GALNT14: variants seen among roughly 807,000 people sequenced by gnomAD.
GALNT14 encodes UDP-GalNAc:polypeptide N-acetylgalactosaminyltransferase 14.
GALNT14 carries 60 observed loss-of-function variants against 77.5 expected under a neutral mutation model. The observed-to-expected ratio is 0.77, with a 90% CI of 0.63 to 0.96. GALNT14 has a LOEUF of 0.96. Ranked by LOEUF, GALNT14 falls within the 40% of genes least tolerant of loss-of-function variation. The pLI is 0.00. For synonymous variants in GALNT14, 280 were observed against 281.7 expected (o/e 0.99, Z 0.06); for missense variants, 710 against 731.0 (o/e 0.97, Z 0.33).
At chr2:31,119,121 T>G (rs905235150) in intron 1 of GALNT14, among the ~76,000 whole-genome samples, 1 of 152,112 alleles carries the variant, frequency 6.6e-6, no homozygotes, top group African/African-American at 2.4e-5. Flanking sequence ...CATATAAAAG[T>G]GGAAATTTGG....
At chr2:31,067,961 G>A (rs1403241973) in intron 1 of GALNT14, among the ~76,000 whole-genome samples, 1 of 152,104 alleles carries the variant, frequency 6.6e-6, no homozygotes, top group Non-Finnish European at 1.5e-5. Flanking sequence ...TCTGGAACCT[G>A]CTCTTCCTTC....
intron 1 of GALNT14, among the ~76,000 whole-genome samples, chr2:31,024,390 C>T (rs943177071): frequency 4.6e-5 from 7 of 152,112 alleles, no homozygotes; most frequent in Non-Finnish European, 8.8e-5. Flanking sequence ...AAGGCCCCAC[C>T]AAGGCCCCAC....
intron 1 of GALNT14, among the ~76,000 whole-genome samples, chr2:31,110,859 A>G (rs17038411): frequency 0.054 from 8,215 of 152,262 alleles, 503 homozygotes; most frequent in African/African-American, 0.15. Context: ...CATTCTTAAA[A>G]GTCAGATTTT....
intron 2 of GALNT14, among the ~76,000 whole-genome samples, chr2:30,967,256 CTG>C (rs1668068178): frequency 6.6e-6 from 1 of 152,124 alleles, no homozygotes; most frequent in Admixed American, 6.5e-5. Context: ...TGTTTGCAAA[CTG>C]TGTGTATAAA....
chr2:30,929,526 G>T, intron 10 of GALNT14, 39 bp from the exon 11 acceptor site: 2 of 1,500,600 alleles, frequency 1.3e-6, no homozygotes, highest in Non-Finnish European at 1.9e-6. Context: ...TCAGTAAGGG[G>T]CTGTCTGAGA....
At position 30,910,856 on chromosome 2, in the gene GALNT14, A is replaced by G. The variant is rs1199082978; in HGVS notation, c.*45T>C. The G allele has an allele frequency of 1.2e-6, 2 of 1,600,902 alleles. No homozygotes were observed. The highest frequency in any genetic ancestry group is 4.5e-5 in the East Asian group (2 of 44,782). On this transcript the variant is annotated 3_prime_UTR_variant, in exon 15 of 15. Transcript: ENST00000349752. ...CCCAGTTTCCAGTCTGTTCTGGTCC[A>G]GGGAAGCACCACCCCATGGCCCTTG...
Position 30,956,884 on chromosome 2 carries a change from G to C in GALNT14, c.467-907C>G, listed in dbSNP as rs142691090. On this transcript the variant is annotated intron_variant, in intron 4 of 14. Coordinates refer to ENST00000349752, the MANE Select transcript of GALNT14 (RefSeq NM_024572.4). The stretch of plus-strand genomic sequence containing the variant: ...CTGGTAAAAACTGCTGGAAGGCCAA[G>C]AATAAATGAGATTTTAGACTTTCCT... Among the ~76,000 whole-genome samples the C allele has an allele frequency of 3.4e-3, 518 of 152,334 alleles. 5 individuals are homozygous for C. The highest frequency in any genetic ancestry group is 0.012 in the African/African-American group (505 of 41,570).
Position 30,911,015 on chromosome 2 carries a change from G to A in GALNT14, c.1545C>T (p.His515=), listed in dbSNP as rs771872193. Residue 515 remains histidine, a synonymous_variant, in exon 15 of 15, where the codon CAC becomes CAT. Transcript: ENST00000349752. ...CGAACATATCTGTATCGAGGCAGAG[G>A]TGGGATGCTATGTGCTCGATGTGGG... ...TGSHIEHIAS[H]LCLDTDMFGD... 3 of 1,614,082 alleles carry A rather than the reference G, an allele frequency of 1.9e-6. No homozygotes were observed. The highest frequency in any genetic ancestry group is 2.5e-6 in the Non-Finnish European group (3 of 1,180,026).
chr2:30,998,945 C>T (rs1163784568), intron 1 of GALNT14, among the ~76,000 whole-genome samples: 1 of 152,216 alleles, frequency 6.6e-6, no homozygotes, highest in Non-Finnish European at 1.5e-5. Context: ...TGTCTGCACT[C>T]CCTTCACCAT....
chr2:30,970,832 C>T (rs543987560), intron 2 of GALNT14, among the ~76,000 whole-genome samples: 2 of 152,266 alleles, frequency 1.3e-5, no homozygotes, highest in Admixed American at 6.5e-5. Flanking sequence ...TGCCCCTGCT[C>T]ACAGCTCAGG....
chr2:30,927,334 T>C (rs1213641943), intron 11 of GALNT14, among the ~76,000 whole-genome samples: 1 of 152,190 alleles, frequency 6.6e-6, no homozygotes, highest in Non-Finnish European at 1.5e-5. Flanking sequence ...CCTCAAATTG[T>C]GGCACTCAAG....
chr2:31,042,048 C>T (rs1673123930), intron 1 of GALNT14, among the ~76,000 whole-genome samples: 1 of 152,126 alleles, frequency 6.6e-6, no homozygotes, highest in African/African-American at 2.4e-5. Context: ...TGATGAGATG[C>T]TTAGCAGGTA....
intron 1 of GALNT14, among the ~76,000 whole-genome samples, chr2:31,070,598 A>G (rs1300003277): frequency 3.9e-5 from 6 of 152,260 alleles, no homozygotes; most frequent in Non-Finnish European, 1.5e-5. Flanking sequence ...GCTGACAGCC[A>G]GGAGCCAGCA....
At chr2:31,044,637 T>C (rs571511843) in intron 1 of GALNT14, among the ~76,000 whole-genome samples, 1 of 149,314 alleles carries the variant, frequency 6.7e-6, no homozygotes, top group East Asian at 2.0e-4. Flanking sequence ...GCAGCTATAC[T>C]ACGGGTGAGG....
intron 2 of GALNT14, among the ~76,000 whole-genome samples, chr2:30,983,808 CGTAT>C (rs1669132837): frequency 3.7e-5 from 1 of 26,950 alleles, no homozygotes; most frequent in Non-Finnish European, 7.6e-5. Context: ...CACACACACA[CGTAT>C]GCACACACAC....
At chr2:31,129,161 GT>G in intron 1 of GALNT14, 1 of 155,432 alleles carries the variant, frequency 6.4e-6, no homozygotes, top group Admixed American at 6.5e-5. Context: ...ATGCGTGACA[GT>G]CAAAAGAGCG....
At chr2:31,004,622 C>G (rs1670558490) in intron 1 of GALNT14, among the ~76,000 whole-genome samples, 1 of 152,132 alleles carries the variant, frequency 6.6e-6, no homozygotes, top group Admixed American at 6.5e-5. Flanking sequence ...CCAAATCCTC[C>G]CAGGGTGGCC....
chr2:30,910,863 C>T lies in GALNT14; in HGVS notation c.*38G>A. The T allele has an allele frequency of 1.2e-6, 2 of 1,605,264 alleles. No individual in the cohort carries two copies. Among genetic ancestry groups the T allele is most frequent in the African/African-American group, 1.3e-5 (1 of 74,766 alleles). On this transcript the variant is annotated 3_prime_UTR_variant, in exon 15 of 15. Coordinates refer to ENST00000349752, the MANE Select transcript of GALNT14 (RefSeq NM_024572.4). ...TCCAGTCTGTTCTGGTCCAGGGAAG[C>T]ACCACCCCATGGCCCTTGCTGCTTC...
intron 1 of GALNT14, among the ~76,000 whole-genome samples, chr2:31,086,077 G>A (rs887095252): frequency 1.3e-5 from 2 of 152,204 alleles, no homozygotes; most frequent in Non-Finnish European, 2.9e-5. Flanking sequence ...ATGACATGTG[G>A]GGATTATGGG....
Sources: gnomAD v4.1 joint callset for allele counts (sites outside exome capture counted in the v4.1 genomes callset) on GRCh38, gnomAD v4.1.1 for gene constraint, MANE v1.5 for transcripts, NCBI Gene and HGNC (gene_info 2026-07-23, HGNC 2026-07-21) for gene names.